The following ATF2 variants were observed in gnomAD, a reference collection of about 807,000 sequenced individuals.
ATF2 encodes activating transcription factor 2, also known as cyclic AMP-dependent transcription factor ATF-2.
In ATF2, 24 loss-of-function variants were observed where a neutral mutation model predicts 60.6. That is an observed-to-expected ratio of 0.40 (90% confidence interval 0.29 to 0.56). The LOEUF (loss-of-function observed/expected upper bound fraction) is 0.56, where lower values mean the gene tolerates loss of function less well. ATF2 is among the 20% of genes least tolerant of loss of function. The pLI, the probability that ATF2 is intolerant of heterozygous loss-of-function variation, is 0.54. For synonymous variants in ATF2, 206 were observed against 215.4 expected (o/e 0.96, Z 0.38); for missense variants, 433 against 607.7 (o/e 0.71, Z 3.02).
chr2:175,090,463 G>C (rs914597356), intron 12 of ATF2, among the ~76,000 whole-genome samples: 1 of 151,880 alleles, frequency 6.6e-6, no homozygotes, highest in African/African-American at 2.4e-5. Context: ...ATATATTATA[G>C]ATATTTTCCC....
chr2:175,077,934 T>C (rs1166488712), intron 13 of ATF2, among the ~76,000 whole-genome samples: 2 of 152,122 alleles, frequency 1.3e-5, no homozygotes, highest in Non-Finnish European at 2.9e-5. Context: ...TGTTTGGCAA[T>C]TCAGTAATCT....
chr2:175,121,675 T>C, intron 4 of ATF2, 135 bp from the exon 5 acceptor site: 1 of 605,578 alleles, frequency 1.7e-6, no homozygotes, highest in Non-Finnish European at 2.8e-6. Flanking sequence ...TATAAAAGAA[T>C]CCGTTATTGT....
chr2:175,135,457 G>A lies in ATF2; in HGVS notation c.32+955C>T, dbSNP rs149913856. On this transcript the variant is annotated intron_variant, in intron 3 of 13. Coordinates refer to ENST00000264110, the MANE Select transcript of ATF2 (RefSeq NM_001880.4). ...TCCAATACAGATATTTTCAATTTAC[G>A]ATGGGTTTATTGGGACATAACCCCA... Among the ~76,000 whole-genome samples the A allele has an allele frequency of 3.9e-3, 600 of 152,234 alleles. 4 individuals carry two copies. Among genetic ancestry groups the A allele is most frequent in the African/African-American group, 0.013 (544 of 41,536 alleles).
chr2:175,154,654 G>A (rs1470200040), intron 1 of ATF2, among the ~76,000 whole-genome samples: 1 of 152,098 alleles, frequency 6.6e-6, no homozygotes, highest in Non-Finnish European at 1.5e-5. Flanking sequence ...AGCACAGTAG[G>A]TTTGTTTACA....
intron 2 of ATF2, among the ~76,000 whole-genome samples, 200 bp downstream of exon 2, chr2:175,150,860 C>G (rs1178558897): frequency 1.3e-5 from 2 of 152,088 alleles, no homozygotes; most frequent in African/African-American, 4.8e-5. Context: ...CTTTTATATG[C>G]TCACATTCAT....
intron 1 of ATF2, chr2:175,167,616 C>T: frequency 2.1e-6 from 1 of 485,788 alleles, no homozygotes; most frequent in South Asian, 1.5e-5. Flanking sequence ...TGGGCCCTCT[C>T]CCCGCCCAAC....
intron 12 of ATF2, among the ~76,000 whole-genome samples, chr2:175,091,907 TTTC>T (rs1266281893): frequency 6.6e-6 from 1 of 152,188 alleles, no homozygotes; most frequent in Non-Finnish European, 1.5e-5. Context: ...ATAAAATATA[TTTC>T]TTAATAAACC....
intron 4 of ATF2, among the ~76,000 whole-genome samples, chr2:175,122,672 T>C (rs1697046302): frequency 6.6e-6 from 1 of 152,062 alleles, no homozygotes; most frequent in South Asian, 2.1e-4. Flanking sequence ...TCATCTCATG[T>C]GTGCGGCACA....
chr2:175,157,362 C>T (rs1298352148), intron 1 of ATF2, among the ~76,000 whole-genome samples: 1 of 152,100 alleles, frequency 6.6e-6, no homozygotes, highest in African/African-American at 2.4e-5. Flanking sequence ...TCTACACAGC[C>T]ACGCAGGGTG....
chr2:175,094,538 A>G (rs1334849724), intron 11 of ATF2, among the ~76,000 whole-genome samples: 2 of 151,832 alleles, frequency 1.3e-5, no homozygotes, highest in Non-Finnish European at 2.9e-5. Context: ...CCTATAATTT[A>G]TTATATTTAA....
At chr2:175,099,931 A>C (rs534254431) in intron 10 of ATF2, among the ~76,000 whole-genome samples, 72 of 152,380 alleles carry the variant, frequency 4.7e-4, no homozygotes, top group Admixed American at 1.4e-3. Flanking sequence ...TTCAAAAAAC[A>C]ATCATAAGGA....
chr2:175,165,866 G>T (rs181477270), intron 1 of ATF2, among the ~76,000 whole-genome samples: 1 of 152,092 alleles, frequency 6.6e-6, no homozygotes, highest in Non-Finnish European at 1.5e-5. Flanking sequence ...GGGTTTCACC[G>T]TGTTAGCTAG....
intron 12 of ATF2, among the ~76,000 whole-genome samples, chr2:175,083,565 A>T (rs993856538): frequency 3.9e-5 from 6 of 152,206 alleles, no homozygotes; most frequent in African/African-American, 1.4e-4. Flanking sequence ...AGGCATTACC[A>T]TTCAGGACAT....
At chr2:175,144,687 G>A (rs1253825550) in intron 2 of ATF2, among the ~76,000 whole-genome samples, 1 of 152,188 alleles carries the variant, frequency 6.6e-6, no homozygotes, top group Non-Finnish European at 1.5e-5. Context: ...TGAGTTGAGG[G>A]TTGGGCTGGG....
chr2:175,160,457 GTT>G (rs893339148), intron 1 of ATF2, among the ~76,000 whole-genome samples: 22 of 152,086 alleles, frequency 1.4e-4, no homozygotes, highest in African/African-American at 4.1e-4. Flanking sequence ...TCTTTCTTCC[GTT>G]TTCAAAGTAT....
intron 5 of ATF2, 39 bp from the exon 6 acceptor site, chr2:175,118,408 T>C (rs767776889): frequency 6.6e-7 from 1 of 1,524,222 alleles, no homozygotes. Flanking sequence ...CATATTTAAA[T>C]ATGTTAAGAC....
intron 10 of ATF2, among the ~76,000 whole-genome samples, chr2:175,102,780 C>T (rs1052798960): frequency 5.3e-5 from 8 of 151,382 alleles, no homozygotes; most frequent in Non-Finnish European, 1.2e-4. Flanking sequence ...AAAAGGAGGA[C>T]TTTATAAGGT....
intron 13 of ATF2, among the ~76,000 whole-genome samples, chr2:175,079,521 G>C (rs1693619348): frequency 6.6e-6 from 1 of 151,998 alleles, no homozygotes; most frequent in Non-Finnish European, 1.5e-5. Context: ...TCACCATCCT[G>C]TCAAAATTAC....
chr2:175,148,164 C>T (rs1699078566), intron 2 of ATF2, among the ~76,000 whole-genome samples: 1 of 152,052 alleles, frequency 6.6e-6, no homozygotes, highest in Admixed American at 6.6e-5. Context: ...TTCTGTGATG[C>T]CCAACTATGT....
Sources: allele counts gnomAD v4.1 joint callset (sites outside exome capture counted in the v4.1 genomes callset), GRCh38; gene constraint gnomAD v4.1.1; transcripts MANE v1.5; gene names NCBI Gene and HGNC (gene_info 2026-07-23, HGNC 2026-07-21).